The following GRM8 variants were observed in gnomAD, a reference collection of about 807,000 sequenced individuals.
GRM8 encodes the protein glutamate metabotropic receptor 8.
In GRM8, 47 loss-of-function variants were observed where a neutral mutation model predicts 87.2. The ratio of observed to expected loss-of-function variants is 0.54; its 90% confidence interval spans 0.43 to 0.69. The LOEUF (loss-of-function observed/expected upper bound fraction) is 0.69. GRM8 is among the 30% of genes least tolerant of loss of function. The pLI, the probability that GRM8 is intolerant of heterozygous loss-of-function variation, is 0.00. For missense variants in GRM8, 1,019 were observed against 1,139.2 expected, an observed-to-expected ratio of 0.89 and a Z score of 1.52; for synonymous variants, 396 against 404.5, an observed-to-expected ratio of 0.98 and a Z score of 0.25.
At chr7:127,013,089 GA>G (rs757250344) in intron 3 of GRM8, among the ~76,000 whole-genome samples, 2 of 152,120 alleles carry the variant, frequency 1.3e-5, no homozygotes, top group Non-Finnish European at 2.9e-5. Context: ...CCTTGTGGTT[GA>G]AACCACTTTT....
chr7:127,048,614 A>G (rs1586850149), intron 3 of GRM8, among the ~76,000 whole-genome samples: 2 of 152,210 alleles, frequency 1.3e-5, no homozygotes, highest in East Asian at 3.8e-4. Context: ...TTCCAGATGC[A>G]GAAAGTAAGA....
chr7:126,844,294 G>A (rs1265475403), intron 6 of GRM8, among the ~76,000 whole-genome samples: 1 of 152,166 alleles, frequency 6.6e-6, no homozygotes, highest in African/African-American at 2.4e-5. Flanking sequence ...CTTTCAGAGA[G>A]ATCCTAATTC....
At chr7:126,470,270 A>T (rs1805014028) in intron 9 of GRM8, among the ~76,000 whole-genome samples, 1 of 151,614 alleles carries the variant, frequency 6.6e-6, no homozygotes, top group African/African-American at 2.4e-5. Context: ...TACATGTGCC[A>T]TGCTGGGGTG....
intron 3 of GRM8, among the ~76,000 whole-genome samples, chr7:127,032,263 A>T (rs1441243058): frequency 6.6e-6 from 1 of 152,172 alleles, no homozygotes; most frequent in Admixed American, 6.5e-5. Context: ...CCTCACAGAC[A>T]TGCTCCAACA....
At chr7:126,494,540 A>C (rs761419413) in intron 9 of GRM8, among the ~76,000 whole-genome samples, 6 of 152,012 alleles carry the variant, frequency 3.9e-5, no homozygotes, top group Non-Finnish European at 8.8e-5. Context: ...CCCAGAGAAG[A>C]AGCATAGTAA....
intron 7 of GRM8, among the ~76,000 whole-genome samples, chr7:126,707,950 T>C (rs755594543): frequency 1.3e-4 from 19 of 151,874 alleles, no homozygotes; most frequent in Non-Finnish European, 2.1e-4. Flanking sequence ...GTCAACAAAA[T>C]GAAAAGGCAA....
intron 8 of GRM8, among the ~76,000 whole-genome samples, chr7:126,605,025 T>C (rs2096361488): frequency 6.6e-6 from 1 of 152,164 alleles, no homozygotes; most frequent in African/African-American, 2.4e-5. Context: ...TAAAAACATA[T>C]GTTTCATTCC....
chr7:127,127,088 G>A (rs1175863757), intron 2 of GRM8, among the ~76,000 whole-genome samples: 2 of 152,014 alleles, frequency 1.3e-5, no homozygotes, highest in Non-Finnish European at 2.9e-5. Context: ...GCAATGATGT[G>A]AAGCAACTTA....
At chr7:126,827,860 G>C (rs1157409762) in intron 6 of GRM8, among the ~76,000 whole-genome samples, 1 of 152,144 alleles carries the variant, frequency 6.6e-6, no homozygotes, top group Admixed American at 6.6e-5. Flanking sequence ...GTCATAGATA[G>C]CTCTTATTAT....
chr7:127,094,528 C>T (rs1461478072), intron 3 of GRM8, among the ~76,000 whole-genome samples: 1 of 152,182 alleles, frequency 6.6e-6, no homozygotes, highest in African/African-American at 2.4e-5. Context: ...TGAAGTGATG[C>T]TTCTACTTGC....
intron 3 of GRM8, among the ~76,000 whole-genome samples, chr7:126,955,660 C>A (rs1052951373): frequency 6.6e-6 from 1 of 152,006 alleles, no homozygotes; most frequent in Admixed American, 6.5e-5. Context: ...TTAATTATTC[C>A]TGTCAATTCA....
At chr7:126,634,117 C>G (rs1334999891) in intron 7 of GRM8, among the ~76,000 whole-genome samples, 1 of 152,044 alleles carries the variant, frequency 6.6e-6, no homozygotes, top group Non-Finnish European at 1.5e-5. Context: ...TATTCATGAT[C>G]ATTAGAGGAA....
intron 2 of GRM8, among the ~76,000 whole-genome samples, chr7:127,205,401 T>A (rs1056418407): frequency 3.9e-5 from 6 of 152,208 alleles, no homozygotes; most frequent in Admixed American, 6.5e-5. Context: ...TCGGGCTTTC[T>A]TTGAAGCCTT....
chr7:126,828,586 AT>A (rs1344853815), intron 6 of GRM8, among the ~76,000 whole-genome samples: 1 of 151,860 alleles, frequency 6.6e-6, no homozygotes, highest in Non-Finnish European at 1.5e-5. Flanking sequence ...TATTGCATCT[AT>A]TTGATTCTTC....
At chr7:126,839,164 G>A (rs929175) in intron 6 of GRM8, among the ~76,000 whole-genome samples, 38,915 of 152,034 alleles carry the variant, frequency 0.26, 6,189 homozygotes, top group Non-Finnish European at 0.35. Flanking sequence ...TGTAACACCC[G>A]CATCAACTGT....
At chr7:126,603,990 T>C (rs533726975) in intron 8 of GRM8, among the ~76,000 whole-genome samples, 1 of 134,314 alleles carries the variant, frequency 7.4e-6, no homozygotes, top group South Asian at 2.6e-4. Flanking sequence ...TAATGATTTT[T>C]GCATTAAAAA....
At chr7:127,249,477 G>C (rs745662029) in intron 1 of GRM8, among the ~76,000 whole-genome samples, 1 of 152,176 alleles carries the variant, frequency 6.6e-6, no homozygotes, top group Non-Finnish European at 1.5e-5. Context: ...CAACAAGCCA[G>C]AGCAGAGAGC....
Position 126,916,796 on chromosome 7 carries a change from C to T in GRM8, c.728-12113G>A, listed in dbSNP as rs1267388479. On this transcript the variant is annotated intron_variant, in intron 3 of 10. Coordinates refer to ENST00000339582, the MANE Select transcript of GRM8 (RefSeq NM_000845.3). ...CAAGGGTTGTACAATGACCATGGTACGGCAGTAACCAAACTAGGAAATGAA... is the reference window on the plus strand; with the variant it reads ...CAAGGGTTGTACAATGACCATGGTATGGCAGTAACCAAACTAGGAAATGAA... 2.0e-5 allele frequency among the ~76,000 whole-genome samples: 3 copies of T among 152,080 alleles called. No homozygotes were observed. In the East Asian group the frequency reaches 5.8e-4, roughly 29 times the overall value.
At chr7:127,028,594 C>A (rs1352904466) in intron 3 of GRM8, among the ~76,000 whole-genome samples, 2 of 152,166 alleles carry the variant, frequency 1.3e-5, no homozygotes, top group Non-Finnish European at 2.9e-5. Context: ...TTATCGATTT[C>A]TTCTAGATTT....
Sources: allele counts gnomAD v4.1 joint callset (sites outside exome capture counted in the v4.1 genomes callset), GRCh38; gene constraint gnomAD v4.1.1; transcripts MANE v1.5; gene names NCBI Gene and HGNC (gene_info 2026-07-23, HGNC 2026-07-21).